DIAPH3: variants seen among roughly 807,000 people sequenced by gnomAD.
The protein encoded by DIAPH3 is protein diaphanous homolog 3.
DIAPH3 carries 117 observed loss-of-function variants against 144.3 expected under a neutral mutation model. The ratio of observed to expected loss-of-function variants is 0.81; its 90% CI spans 0.70 to 0.95. The LOEUF is 0.95. DIAPH3 is among the 40% of genes least tolerant of loss of function. The probability of loss-of-function intolerance (pLI) is 0.00; values close to 1 mark genes in which losing one functional copy is unlikely to be tolerated. For missense variants in DIAPH3, 1,421 were observed against 1,412.7 expected, an observed-to-expected ratio of 1.01 and a Z score of -0.09; for synonymous variants, 519 against 488.9, an observed-to-expected ratio of 1.06 and a Z score of -0.81.
Position 59,924,677 on chromosome 13 carries a change from G to GAAAATAGCA in DIAPH3, c.2170+89_2170+97dup, listed in dbSNP as rs2047674383. ...TTTATCATGCATATAATAACAAAAT[G>GAAAATAGCA]AAAATAGCAAATAATGAATAATCGG... On this transcript the variant is annotated intron_variant, in intron 18 of 27. Transcript: ENST00000400324. 2.7e-6 allele frequency: 4 copies of GAAAATAGCA among 1,487,160 alleles called. No homozygotes were observed. The South Asian group carries it at 5.1e-5, about 19-fold the overall frequency. 92.1% of individuals were successfully genotyped at this position (1,487,160 alleles called of 1,614,324 possible).
chr13:60,052,835 T>TGC lies in DIAPH3; in HGVS notation c.496-10016_496-10015insGC, dbSNP rs1479709399. 4.0e-5 allele frequency among the ~76,000 whole-genome samples: 6 copies of TGC among 150,888 alleles called. No homozygotes were observed. The East Asian group carries it at 1.2e-3, about 29-fold the overall frequency. On this transcript the variant is annotated intron_variant, in intron 4 of 27. Transcript: ENST00000400324. The stretch of plus-strand genomic sequence containing the variant: ...AATTAGCCAGGTTTGGTAGGATCCA[T>TGC]CTGTAGTCCCAGCTACTTGGGAGGC...
chr13:60,163,508 G>C, intron 1 of DIAPH3, 79 bp downstream of exon 1: 1 of 1,567,204 alleles, frequency 6.4e-7, no homozygotes, highest in Non-Finnish European at 8.7e-7. Context: ...TGGTCCCCAA[G>C]TTCTTGTGGG....
intron 27 of DIAPH3, among the ~76,000 whole-genome samples, chr13:59,668,153 C>CCTTT (rs1168682102): frequency 6.6e-6 from 1 of 152,212 alleles, no homozygotes; most frequent in African/African-American, 2.4e-5. Context: ...GTGATTTTCT[C>CCTTT]TTAAAGGAGT....
intron 27 of DIAPH3, among the ~76,000 whole-genome samples, chr13:59,769,195 A>C (rs1593801036): frequency 2.6e-5 from 4 of 152,172 alleles, no homozygotes; most frequent in African/African-American, 9.7e-5. Flanking sequence ...ACAGTGGAAG[A>C]GAAGTCCCTA....
intron 2 of DIAPH3, among the ~76,000 whole-genome samples, chr13:60,113,773 T>TA (rs1412583206): frequency 6.6e-6 from 1 of 152,012 alleles, no homozygotes; most frequent in African/African-American, 2.4e-5. Flanking sequence ...TAAACAAGGG[T>TA]AAAGAAAAGC....
chr13:60,040,445 G>A (rs940182241), intron 5 of DIAPH3, among the ~76,000 whole-genome samples: 1 of 151,868 alleles, frequency 6.6e-6, no homozygotes. Context: ...TTTAAATAAG[G>A]TTCAAATGAA....
chr13:60,163,457 A>G (rs868036290), intron 1 of DIAPH3, 130 bp downstream of exon 1: 56 of 1,306,756 alleles, frequency 4.3e-5, no homozygotes, highest in African/African-American at 2.8e-4. Context: ...GTCGTTGTCA[A>G]TCTATGATCT....
chr13:59,682,040 A>C (rs1373609355), intron 27 of DIAPH3, among the ~76,000 whole-genome samples: 1 of 152,230 alleles, frequency 6.6e-6, no homozygotes, highest in Non-Finnish European at 1.5e-5. Flanking sequence ...AAAGAGAACC[A>C]GGAATGTTAA....
intron 2 of DIAPH3, among the ~76,000 whole-genome samples, chr13:60,118,110 T>C (rs1566791950): frequency 6.6e-6 from 1 of 152,140 alleles, no homozygotes. Flanking sequence ...TTTTATAAAT[T>C]AATATCACGT....
chr13:60,126,279 G>A (rs1283569751), intron 2 of DIAPH3, among the ~76,000 whole-genome samples: 2 of 152,152 alleles, frequency 1.3e-5, no homozygotes, highest in Admixed American at 1.3e-4. Context: ...TGATGTCACA[G>A]AAGTCAAGAA....
At chr13:59,806,311 A>C (rs952257821) in intron 25 of DIAPH3, among the ~76,000 whole-genome samples, 2 of 152,022 alleles carry the variant, frequency 1.3e-5, no homozygotes, top group Non-Finnish European at 2.9e-5. Flanking sequence ...TTCTGTACTA[A>C]AATATAACAC....
At chr13:59,769,332 T>C (rs1393123943) in intron 27 of DIAPH3, among the ~76,000 whole-genome samples, 2 of 152,200 alleles carry the variant, frequency 1.3e-5, no homozygotes, top group Non-Finnish European at 1.5e-5. Flanking sequence ...ACCTTCGTTG[T>C]ATAGGCTCCA....
intron 24 of DIAPH3, among the ~76,000 whole-genome samples, chr13:59,826,571 AG>A (rs1429233013): frequency 6.7e-6 from 1 of 149,456 alleles, no homozygotes; most frequent in Non-Finnish European, 1.5e-5. Context: ...GCTCATGGGT[AG>A]GAAGAATCAA....
Position 60,006,112 on chromosome 13 carries a change from G to C in DIAPH3, c.1014+2432C>G, listed in dbSNP as rs1179774514. Reference sequence around the variant, plus strand: ...CCCCTAAATTTTTTAAATCAACGTAGTTTGCCTTCAAGTTCATACTCATCA... The same window carrying C: ...CCCCTAAATTTTTTAAATCAACGTACTTTGCCTTCAAGTTCATACTCATCA... On this transcript the variant is annotated intron_variant, in intron 9 of 27. Transcript: ENST00000400324. 2.0e-5 allele frequency among the ~76,000 whole-genome samples: 3 copies of C among 152,074 alleles called. No homozygotes were observed. In the East Asian group the frequency reaches 5.8e-4, roughly 29 times the overall value.
At chr13:60,090,081 T>C (rs1219209081) in intron 4 of DIAPH3, among the ~76,000 whole-genome samples, 1 of 152,100 alleles carries the variant, frequency 6.6e-6, no homozygotes, top group Non-Finnish European at 1.5e-5. Context: ...TCACATCCAA[T>C]GGCGGAACAA....
intron 27 of DIAPH3, among the ~76,000 whole-genome samples, chr13:59,719,200 T>C (rs2035213595): frequency 6.6e-6 from 1 of 152,220 alleles, no homozygotes; most frequent in Non-Finnish European, 1.5e-5. Flanking sequence ...TAAAATAAAA[T>C]GTCGTGCTTG....
chr13:59,875,679 A>C (rs2044578620), intron 21 of DIAPH3, among the ~76,000 whole-genome samples: 1 of 152,196 alleles, frequency 6.6e-6, no homozygotes. Context: ...TTTGCACATC[A>C]CTTTGACCAC....
chr13:60,031,974 C>T (rs1000352710), intron 5 of DIAPH3, among the ~76,000 whole-genome samples: 1 of 152,082 alleles, frequency 6.6e-6, no homozygotes, highest in African/African-American at 2.4e-5. Flanking sequence ...AATCTCTTGA[C>T]CTCATGATCC....
chr13:59,983,619 G>T, intron 13 of DIAPH3, 150 bp downstream of exon 13: 1 of 591,186 alleles, frequency 1.7e-6, no homozygotes, highest in Non-Finnish European at 3.0e-6. Context: ...CAATAAAAAA[G>T]GCGAATAATG....
Sources: gnomAD v4.1 joint callset for allele counts (sites outside exome capture counted in the v4.1 genomes callset) on GRCh38, gnomAD v4.1.1 for gene constraint, MANE v1.5 for transcripts, NCBI Gene and HGNC (gene_info 2026-07-23, HGNC 2026-07-21) for gene names.